RABGAP1L: variants seen among roughly 807,000 people sequenced by gnomAD.
The protein encoded by RABGAP1L is rab GTPase-activating protein 1-like.
In RABGAP1L, 63 loss-of-function variants were observed where a neutral mutation model predicts 137.7. That is an observed-to-expected ratio of 0.46 (90% CI 0.37 to 0.56). RABGAP1L has a LOEUF of 0.56. RABGAP1L is among the 20% of genes least tolerant of loss of function. The pLI is 0.00. For synonymous variants in RABGAP1L, 431 were observed against 433.7 expected, an observed-to-expected ratio of 0.99 and a Z score of 0.08; for missense variants, 1,095 against 1,244.0, an observed-to-expected ratio of 0.88 and a Z score of 1.80.
chr1:174,735,821 A>G (rs1472894262), intron 17 of RABGAP1L, among the ~76,000 whole-genome samples: 2 of 151,810 alleles, frequency 1.3e-5, no homozygotes, highest in Non-Finnish European at 2.9e-5. Context: ...GAGATACCAC[A>G]CTCTTTTAAG....
At chr1:174,816,425 C>T (rs1263589837) in intron 19 of RABGAP1L, among the ~76,000 whole-genome samples, 5 of 152,046 alleles carry the variant, frequency 3.3e-5, no homozygotes, top group African/African-American at 4.8e-5. Flanking sequence ...GGATTACAGG[C>T]GTGAGCCACC....
intron 9 of RABGAP1L, among the ~76,000 whole-genome samples, chr1:174,276,443 C>A (rs1023402152): frequency 2.0e-5 from 3 of 152,010 alleles, no homozygotes; most frequent in African/African-American, 7.3e-5. Context: ...CTGCACCTGG[C>A]CTGAATTAAT....
At position 174,646,123 on chromosome 1, in the gene RABGAP1L, G is replaced by A. The variant is rs182246506; in HGVS notation, c.1824+8635G>A. On this transcript the variant is annotated intron_variant, in intron 14 of 25. Coordinates refer to ENST00000681986, the MANE Select transcript of RABGAP1L (RefSeq NM_001366446.1). ...GATTCTGGATATTAGCCCTTGGTCA[G>A]ATGGATAGATTGCAAAAATTTTCTC... Among the ~76,000 whole-genome samples, 275 of 152,236 alleles carry A rather than the reference G, an allele frequency of 1.8e-3. 2 individuals are homozygous for A. Among genetic ancestry groups the A allele is most frequent in the African/African-American group, 6.3e-3 (262 of 41,518 alleles).
intron 15 of RABGAP1L, among the ~76,000 whole-genome samples, chr1:174,696,690 G>A (rs1328755652): frequency 6.6e-6 from 1 of 152,152 alleles, no homozygotes; most frequent in East Asian, 1.9e-4. Flanking sequence ...CACAATCCCT[G>A]CTCTCTCCCT....
chr1:174,599,293 C>G, intron 13 of RABGAP1L, among the ~76,000 whole-genome samples: 1 of 152,230 alleles, frequency 6.6e-6, no homozygotes, highest in Admixed American at 6.5e-5. Flanking sequence ...TCTTATTACA[C>G]TATCTCTTAA....
At chr1:174,933,620 C>T (rs953656663) in intron 19 of RABGAP1L, among the ~76,000 whole-genome samples, 8 of 152,184 alleles carry the variant, frequency 5.3e-5, no homozygotes, top group African/African-American at 1.9e-4. Context: ...TCTTAGGCTC[C>T]ATCTCAGATC....
intron 6 of RABGAP1L, among the ~76,000 whole-genome samples, chr1:174,252,081 G>C (rs1170613637): frequency 6.6e-6 from 1 of 152,096 alleles, no homozygotes; most frequent in Non-Finnish European, 1.5e-5. Flanking sequence ...TTTTAGTAGA[G>C]ATGGGGTTTT....
chr1:174,619,237 C>G (rs1354846803), intron 13 of RABGAP1L, among the ~76,000 whole-genome samples: 1 of 152,290 alleles, frequency 6.6e-6, no homozygotes, highest in Middle Eastern at 3.4e-3. Flanking sequence ...TCCAGGAGAA[C>G]TTCCCCAATC....
intron 10 of RABGAP1L, among the ~76,000 whole-genome samples, chr1:174,293,453 G>A (rs935094541): frequency 5.3e-5 from 8 of 152,138 alleles, no homozygotes; most frequent in African/African-American, 1.9e-4. Flanking sequence ...TGAACATTTG[G>A]TATTTTCTTG....
chr1:174,722,961 T>A (rs577125851), intron 17 of RABGAP1L, among the ~76,000 whole-genome samples: 32 of 152,322 alleles, frequency 2.1e-4, no homozygotes, highest in African/African-American at 5.3e-4. Context: ...TCACAGTACA[T>A]GATGGAGACA....
intron 13 of RABGAP1L, among the ~76,000 whole-genome samples, chr1:174,523,420 CATAAAA>C (rs908862257): frequency 2.0e-5 from 3 of 151,896 alleles, no homozygotes; most frequent in African/African-American, 7.3e-5. Context: ...AAAAAACAAA[CATAAAA>C]AGAAGCTAAA....
At chr1:174,870,961 G>T (rs573214441) in intron 19 of RABGAP1L, among the ~76,000 whole-genome samples, 9 of 151,968 alleles carry the variant, frequency 5.9e-5, no homozygotes, top group African/African-American at 2.2e-4. Context: ...GGATGGTCTC[G>T]ATCTCCTGAC....
intron 18 of RABGAP1L, among the ~76,000 whole-genome samples, chr1:174,778,741 C>G (rs1573147931): frequency 6.6e-6 from 1 of 152,132 alleles, no homozygotes; most frequent in East Asian, 1.9e-4. Flanking sequence ...ATTACAGGTG[C>G]CTGCCACCAT....
chr1:174,975,989 T>C, intron 21 of RABGAP1L, 89 bp from the exon 22 acceptor site: 1 of 1,222,034 alleles, frequency 8.2e-7, no homozygotes, highest in Non-Finnish European at 1.2e-6. Context: ...GAACAGCAAC[T>C]GAAGATTGGG....
chr1:174,614,661 C>G lies in RABGAP1L; in HGVS notation c.1711-22714C>G, dbSNP rs139563832. On this transcript the variant is annotated intron_variant, in intron 13 of 25. Transcript: ENST00000681986. ...TTGGGGAAGTTCTCCTGAATAACAT[C>G]CTGCAGAGTGTTTTCCAACTTGGTT... Among the ~76,000 whole-genome samples the G allele has an allele frequency of 5.3e-3, 811 of 152,324 alleles. 10 individuals carry two copies. The highest frequency in any genetic ancestry group is 0.018 in the African/African-American group (767 of 41,560).
At chr1:174,262,593 T>C (rs1203005817) in intron 7 of RABGAP1L, among the ~76,000 whole-genome samples, 1 of 152,222 alleles carries the variant, frequency 6.6e-6, no homozygotes, top group African/African-American at 2.4e-5. Context: ...GAAACTGGCA[T>C]TGGTACAATT....
At chr1:174,622,702 T>G (rs1672617722) in intron 13 of RABGAP1L, among the ~76,000 whole-genome samples, 1 of 152,060 alleles carries the variant, frequency 6.6e-6, no homozygotes, top group East Asian at 1.9e-4. Context: ...CGGGGTCTGT[T>G]GTGGAGTGAG....
At chr1:174,259,893 G>C (rs1186429566) in intron 7 of RABGAP1L, among the ~76,000 whole-genome samples, 3 of 150,606 alleles carry the variant, frequency 2.0e-5, no homozygotes, top group Non-Finnish European at 4.4e-5. Flanking sequence ...GGAGTGCAGT[G>C]GTGTGATCTT....
rs569175105 is a variant in RABGAP1L, at chr1:174,965,101, A to G, written c.2434-4176A>G. On this transcript the variant is annotated intron_variant, in intron 20 of 25. Coordinates refer to ENST00000681986, the MANE Select transcript of RABGAP1L (RefSeq NM_001366446.1). ...AAACTTTCCCAGCTGTACATCTCCTATCCATAAGGGGTGAAACTATGAGGA... is the reference window on the plus strand; with the variant it reads ...AAACTTTCCCAGCTGTACATCTCCTGTCCATAAGGGGTGAAACTATGAGGA... The G allele has an allele frequency of 1.8e-3, 1,215 of 694,080 alleles. 2 individuals carry two copies. Among genetic ancestry groups the G allele is most frequent in the South Asian group, 3.9e-3 (213 of 54,206 alleles). The allele number at this position is 694,080 out of a possible 1,614,324, so 43.0% of individuals were successfully genotyped here.
Sources: allele counts gnomAD v4.1 joint callset (sites outside exome capture counted in the v4.1 genomes callset), GRCh38; gene constraint gnomAD v4.1.1; transcripts MANE v1.5; gene names NCBI Gene and HGNC (gene_info 2026-07-23, HGNC 2026-07-21).